Variants in FAM107B observed in about 807,000 individuals in gnomAD.
The protein encoded by FAM107B is protein FAM107B.
In FAM107B, 21 loss-of-function variants were observed where a neutral mutation model predicts 31.5. The observed-to-expected ratio is 0.67, with a 90% confidence interval of 0.47 to 0.96. The LOEUF (loss-of-function observed/expected upper bound fraction) is 0.96, where lower values mean the gene tolerates loss of function less well. Among genes scored for constraint, FAM107B ranks in the 40% least tolerant of loss-of-function variants. The pLI, the probability that FAM107B is intolerant of heterozygous loss-of-function variation, is 0.00. For missense variants in FAM107B, 452 were observed against 377.1 expected, an observed-to-expected ratio of 1.20 and a Z score of -1.64; for synonymous variants, 157 against 141.5, an observed-to-expected ratio of 1.11 and a Z score of -0.78.
chr10:14,749,504 C>A (rs1345696961), intron 1 of FAM107B, among the ~76,000 whole-genome samples: 2 of 152,364 alleles, frequency 1.3e-5, no homozygotes, highest in Admixed American at 6.5e-5. Context: ...AAAACACATA[C>A]TTCATTATAT....
intron 2 of FAM107B, among the ~76,000 whole-genome samples, chr10:14,636,017 A>G (rs1438927099): frequency 2.6e-5 from 4 of 152,186 alleles, no homozygotes; most frequent in African/African-American, 4.8e-5. Flanking sequence ...CTTTACGCCA[A>G]TCTACAAATA....
intron 1 of FAM107B, among the ~76,000 whole-genome samples, chr10:14,768,366 T>C (rs1189134059): frequency 1.3e-5 from 2 of 152,168 alleles, no homozygotes; most frequent in Non-Finnish European, 2.9e-5. Flanking sequence ...GAGAACAACA[T>C]TGGAAGTCTC....
intron 2 of FAM107B, among the ~76,000 whole-genome samples, chr10:14,625,358 G>T (rs976523865): frequency 2.0e-5 from 3 of 151,550 alleles, no homozygotes; most frequent in Admixed American, 1.3e-4. Context: ...GTCATCCTTC[G>T]TTTCATCTTC....
chr10:14,595,865 C>T (rs1224310541), intron 2 of FAM107B, among the ~76,000 whole-genome samples: 1 of 152,176 alleles, frequency 6.6e-6, no homozygotes, highest in African/African-American at 2.4e-5. Flanking sequence ...ATCTCACCAG[C>T]GGCACCCCGG....
chr10:14,643,542 T>C (rs1353090089), intron 2 of FAM107B, among the ~76,000 whole-genome samples: 1 of 151,854 alleles, frequency 6.6e-6, no homozygotes, highest in Non-Finnish European at 1.5e-5. Context: ...CCAGAGCAGA[T>C]GGGACTACAG....
chr10:14,537,099 T>C (rs936761110), intron 2 of FAM107B, among the ~76,000 whole-genome samples: 5 of 151,944 alleles, frequency 3.3e-5, no homozygotes, highest in African/African-American at 4.8e-5. Flanking sequence ...GAACGACCAA[T>C]AGGTGGCGAC....
intron 1 of FAM107B, among the ~76,000 whole-genome samples, chr10:14,676,032 C>T (rs1564622228): frequency 1.3e-5 from 2 of 152,152 alleles, no homozygotes; most frequent in Non-Finnish European, 2.9e-5. Flanking sequence ...ATGGTGCACA[C>T]CTGTAGTCCC....
At chr10:14,686,058 G>C (rs936509862) in intron 1 of FAM107B, among the ~76,000 whole-genome samples, 3 of 152,262 alleles carry the variant, frequency 2.0e-5, no homozygotes, top group South Asian at 2.1e-4. Flanking sequence ...TCTCCACCTA[G>C]CTCTGCCCTT....
intron 2 of FAM107B, among the ~76,000 whole-genome samples, chr10:14,613,282 C>T (rs537641226): frequency 1.3e-5 from 2 of 152,168 alleles, no homozygotes; most frequent in Admixed American, 6.5e-5. Context: ...CATAAACTTT[C>T]AATGAATTGA....
chr10:14,710,648 T>C (rs1291968865), intron 1 of FAM107B, among the ~76,000 whole-genome samples: 1 of 152,214 alleles, frequency 6.6e-6, no homozygotes, highest in East Asian at 1.9e-4. Flanking sequence ...CTGATGATCC[T>C]AACCCTGTGT....
At chr10:14,567,785 T>C (rs1390630555) in intron 2 of FAM107B, among the ~76,000 whole-genome samples, 1 of 152,236 alleles carries the variant, frequency 6.6e-6, no homozygotes, top group Non-Finnish European at 1.5e-5. Flanking sequence ...GGACAGAAGC[T>C]TCTGGTGAGT....
At chr10:14,748,065 C>T (rs1832761577) in intron 1 of FAM107B, among the ~76,000 whole-genome samples, 1 of 152,188 alleles carries the variant, frequency 6.6e-6, no homozygotes, top group Admixed American at 6.5e-5. Flanking sequence ...GTGTTGCCTC[C>T]TCTGATGAGG....
intron 1 of FAM107B, among the ~76,000 whole-genome samples, chr10:14,673,770 CGTTT>C (rs1335812934): frequency 6.6e-6 from 1 of 151,996 alleles, no homozygotes; most frequent in African/African-American, 2.4e-5. Context: ...TCCTTTTCGG[CGTTT>C]GTTATTTTTT....
intron 1 of FAM107B, among the ~76,000 whole-genome samples, chr10:14,760,254 C>A (rs958413159): frequency 2.0e-5 from 3 of 152,202 alleles, no homozygotes; most frequent in African/African-American, 7.2e-5. Context: ...GTCCTCTTCA[C>A]CCATTTCCTG....
intron 1 of FAM107B, among the ~76,000 whole-genome samples, chr10:14,672,552 G>C (rs573103114): frequency 6.6e-6 from 1 of 152,172 alleles, no homozygotes; most frequent in African/African-American, 2.4e-5. Context: ...CATAGAAAAG[G>C]TACAGTAAAA....
At chr10:14,692,423 C>T (rs1855160909) in intron 1 of FAM107B, among the ~76,000 whole-genome samples, 1 of 152,186 alleles carries the variant, frequency 6.6e-6, no homozygotes, top group Admixed American at 6.5e-5. Flanking sequence ...TCATCGTACA[C>T]TTCCTTTAGG....
Position 14,528,003 on chromosome 10 carries a change from T to C in FAM107B, c.653+2329A>G, listed in dbSNP as rs1039611071. The stretch of plus-strand genomic sequence containing the variant: ...TCATTTTGAAATCTGCCTTTTCTTT[T>C]TTTTTTTTTTAATGTATTTCCAACC... On this transcript the variant is annotated intron_variant, in intron 3 of 4. Transcript: ENST00000181796. 6 of 372,366 alleles carry C rather than the reference T, an allele frequency of 1.6e-5. No homozygotes were observed. In the Admixed American group the frequency reaches 2.0e-4, roughly 12 times the overall value. 23.1% of individuals were successfully genotyped at this position (372,366 alleles called of 1,614,324 possible).
In FAM107B at chr10:14,519,259, G is replaced by C. The variant is rs764578738; in HGVS notation, c.*1931C>G. The C allele has an allele frequency of 8.6e-5, 13 of 151,936 alleles. No homozygotes were observed. The highest frequency in any genetic ancestry group is 1.8e-4 in the Non-Finnish European group (12 of 68,004). 9.4% of individuals were successfully genotyped at this position (151,936 alleles called of 1,614,324 possible). The stretch of plus-strand genomic sequence containing the variant: ...AGGGCCCCTGTGAATACGATCAAGT[G>C]GCAGAATTGCTTCGAGAATACAGAT... On this transcript the variant is annotated 3_prime_UTR_variant, in exon 5 of 5. Coordinates refer to ENST00000181796, the MANE Select transcript of FAM107B (RefSeq NM_031453.4).
intron 2 of FAM107B, among the ~76,000 whole-genome samples, chr10:14,591,701 C>T (rs887376805): frequency 6.6e-6 from 1 of 152,236 alleles, no homozygotes; most frequent in Admixed American, 6.5e-5. Context: ...TTTAGAATCA[C>T]TACACGTGAG....
Sources: allele counts gnomAD v4.1 joint callset (sites outside exome capture counted in the v4.1 genomes callset), GRCh38; gene constraint gnomAD v4.1.1; transcripts MANE v1.5; gene names NCBI Gene and HGNC (gene_info 2026-07-23, HGNC 2026-07-21).